NEDD4L: variants seen among roughly 807,000 people sequenced by gnomAD.
NEDD4L encodes the protein E3 ubiquitin-protein ligase NEDD4-like.
In NEDD4L, 54 loss-of-function variants were observed where a neutral mutation model predicts 148.9. That is an observed-to-expected ratio of 0.36 (90% CI 0.29 to 0.45). The LOEUF (loss-of-function observed/expected upper bound fraction) is 0.45. NEDD4L is among the 20% of genes least tolerant of loss of function. NEDD4L has a pLI of 1.00. For missense variants in NEDD4L, 856 were observed against 1,233.8 expected (o/e 0.69, Z 4.59); for synonymous variants, 433 against 440.7 (o/e 0.98, Z 0.22).
chr18:58,363,181 T>C (rs2045701628), intron 19 of NEDD4L, among the ~76,000 whole-genome samples: 1 of 152,254 alleles, frequency 6.6e-6, no homozygotes, highest in Non-Finnish European at 1.5e-5. Flanking sequence ...TTTCGGGTTT[T>C]TTATATAAAC....
chr18:58,136,229 C>T (rs1056295655), intron 1 of NEDD4L, among the ~76,000 whole-genome samples: 5 of 152,130 alleles, frequency 3.3e-5, no homozygotes, highest in African/African-American at 1.2e-4. Flanking sequence ...GAAAGTACAT[C>T]AGGGAAGATT....
intron 1 of NEDD4L, among the ~76,000 whole-genome samples, chr18:58,107,011 C>T (rs1209326775): frequency 1.3e-5 from 2 of 152,106 alleles, no homozygotes; most frequent in Non-Finnish European, 2.9e-5. Flanking sequence ...TGTTGGAAGT[C>T]GAAGATCAAA....
chr18:58,251,108 C>G (rs2047873859), intron 4 of NEDD4L, among the ~76,000 whole-genome samples: 1 of 152,198 alleles, frequency 6.6e-6, no homozygotes, highest in Non-Finnish European at 1.5e-5. Flanking sequence ...AGTTACTTCA[C>G]TGAACCTCAG....
chr18:58,110,403 G>A (rs958314890), intron 1 of NEDD4L, among the ~76,000 whole-genome samples: 1 of 152,220 alleles, frequency 6.6e-6, no homozygotes, highest in Non-Finnish European at 1.5e-5. Flanking sequence ...CCAGAATAGA[G>A]GGTGGGATGC....
At chr18:58,384,890 G>T (rs924530301) in intron 25 of NEDD4L, among the ~76,000 whole-genome samples, 4 of 152,224 alleles carry the variant, frequency 2.6e-5, no homozygotes, top group African/African-American at 9.6e-5. Flanking sequence ...CTTGCGATCA[G>T]TTTTGCTGTG....
intron 5 of NEDD4L, among the ~76,000 whole-genome samples, chr18:58,294,639 A>G (rs540592494): frequency 2.0e-5 from 3 of 151,672 alleles, no homozygotes; most frequent in African/African-American, 4.8e-5. Context: ...TTTTGAGCTC[A>G]TAGGTAAAAG....
intron 5 of NEDD4L, among the ~76,000 whole-genome samples, chr18:58,282,677 G>A (rs925916027): frequency 6.6e-6 from 1 of 152,078 alleles, no homozygotes; most frequent in Non-Finnish European, 1.5e-5. Flanking sequence ...GTAAATTAGC[G>A]GTATGGATGG....
At chr18:58,365,549 C>T (rs1601740023) in intron 20 of NEDD4L, among the ~76,000 whole-genome samples, 1 of 152,298 alleles carries the variant, frequency 6.6e-6, no homozygotes, top group Middle Eastern at 3.4e-3. Flanking sequence ...CTTGAGGCAG[C>T]GTGGATTATA....
intron 16 of NEDD4L, among the ~76,000 whole-genome samples, chr18:58,345,494 A>G (rs942878946): frequency 1.5e-4 from 23 of 152,348 alleles, no homozygotes; most frequent in African/African-American, 4.3e-4. Context: ...TAGAAAAAGG[A>G]AAAAAACTGG....
chr18:58,084,676 T>TGG (rs200866642), intron 1 of NEDD4L, among the ~76,000 whole-genome samples: 7 of 145,736 alleles, frequency 4.8e-5, no homozygotes, highest in Non-Finnish European at 9.1e-5. Context: ...GGTTTTTGTG[T>TGG]GTGTGTGTGT....
chr18:58,070,030 C>T (rs1428169599), intron 1 of NEDD4L, among the ~76,000 whole-genome samples: 1 of 152,144 alleles, frequency 6.6e-6, no homozygotes, highest in Admixed American at 6.6e-5. Context: ...GAAGGACCAT[C>T]CTCAAAGAAA....
intron 1 of NEDD4L, among the ~76,000 whole-genome samples, chr18:58,099,616 T>C (rs1265822392): frequency 1.3e-5 from 2 of 152,212 alleles, no homozygotes; most frequent in Non-Finnish European, 2.9e-5. Context: ...TTAATGGGAA[T>C]TGAATGCATG....
At chr18:58,161,528 A>T (rs928304216) in intron 1 of NEDD4L, among the ~76,000 whole-genome samples, 1 of 151,218 alleles carries the variant, frequency 6.6e-6, no homozygotes, top group Non-Finnish European at 1.5e-5. Flanking sequence ...CAAAGAAATG[A>T]TTCATTTTGC....
At chr18:58,096,100 C>T (rs1008960605) in intron 1 of NEDD4L, among the ~76,000 whole-genome samples, 2 of 151,996 alleles carry the variant, frequency 1.3e-5, no homozygotes, top group African/African-American at 2.4e-5. Context: ...AAGGCTCATC[C>T]ATTAGGATGA....
At chr18:58,111,220 A>G (rs1461241878) in intron 1 of NEDD4L, among the ~76,000 whole-genome samples, 1 of 152,134 alleles carries the variant, frequency 6.6e-6, no homozygotes, top group East Asian at 1.9e-4. Flanking sequence ...AGCTCATGCC[A>G]CTACACCCAG....
Position 58,400,969 on chromosome 18 carries a change from T to G in NEDD4L, c.*4700T>G, listed in dbSNP as rs535687395. On this transcript the variant is annotated 3_prime_UTR_variant, in exon 31 of 31. Coordinates refer to ENST00000400345, the MANE Select transcript of NEDD4L (RefSeq NM_001144967.3). ...TATTTGTATAGCATTTTTACACCTTTATTGAGTAATCTGGTTTCGAAAGGA... is the reference window on the plus strand; with the variant it reads ...TATTTGTATAGCATTTTTACACCTTGATTGAGTAATCTGGTTTCGAAAGGA... The G allele has an allele frequency of 3.3e-5, 5 of 152,314 alleles. No homozygotes were observed. The highest frequency in any genetic ancestry group is 3.3e-4 in the Admixed American group (5 of 15,300). The allele number at this position is 152,314 out of a possible 1,614,324, so 9.4% of individuals were successfully genotyped here. A position where few individuals can be genotyped will look rare whatever the true frequency, so the allele number is the denominator to read the frequency against.
At chr18:58,337,260 A>G (rs1409017166) in intron 13 of NEDD4L, among the ~76,000 whole-genome samples, 6 of 152,098 alleles carry the variant, frequency 3.9e-5, no homozygotes, top group Non-Finnish European at 7.4e-5. Context: ...TGTTTCATCT[A>G]CTTTGGTAGA....
At chr18:58,060,223 A>C (rs1319455802) in intron 1 of NEDD4L, among the ~76,000 whole-genome samples, 2 of 152,124 alleles carry the variant, frequency 1.3e-5, no homozygotes, top group African/African-American at 4.8e-5. Context: ...GGATGTGAAC[A>C]GCTTTGTGGA....
chr18:58,263,385 C>G (rs1477844834), intron 5 of NEDD4L, among the ~76,000 whole-genome samples: 1 of 152,100 alleles, frequency 6.6e-6, no homozygotes, highest in East Asian at 1.9e-4. Context: ...ACTTTTACTT[C>G]CCTGTATAAT....
Sources: gnomAD v4.1 joint callset for allele counts (sites outside exome capture counted in the v4.1 genomes callset) on GRCh38, gnomAD v4.1.1 for gene constraint, MANE v1.5 for transcripts, NCBI Gene and HGNC (gene_info 2026-07-23, HGNC 2026-07-21) for gene names.